The following HTR2B variants were observed in gnomAD, a reference collection of about 807,000 sequenced individuals.
HTR2B encodes 5-HT 2B receptor.
HTR2B carries 31 observed loss-of-function variants against 39.8 expected under a neutral mutation model. The observed-to-expected ratio is 0.78, with a 90% CI of 0.58 to 1.05. HTR2B has a LOEUF of 1.05. HTR2B is among the 50% of genes least tolerant of loss of function. The pLI, the probability that HTR2B is intolerant of heterozygous loss-of-function variation, is 0.00. For synonymous variants in HTR2B, 210 were observed against 207.1 expected, an observed-to-expected ratio of 1.01 and a Z score of -0.12; for missense variants, 562 against 578.0, an observed-to-expected ratio of 0.97 and a Z score of 0.28.
intron 1 of HTR2B, among the ~76,000 whole-genome samples, chr2:231,124,564 A>G (rs1695670959): frequency 6.6e-6 from 1 of 152,016 alleles, no homozygotes; most frequent in Non-Finnish European, 1.5e-5. Context: ...GTCATTTTAG[A>G]TTTCCTTTAG....
Position 231,108,311 on chromosome 2 carries a change from T to C in HTR2B, c.*206A>G, listed in dbSNP as rs1695025573. The C allele has an allele frequency of 5.8e-6, 3 of 521,730 alleles. No individual in the cohort carries two copies. The highest frequency in any genetic ancestry group is 1.0e-5 in the Non-Finnish European group (3 of 296,450). 32.3% of individuals were successfully genotyped at this position (521,730 alleles called of 1,614,324 possible). A position where few individuals can be genotyped will look rare whatever the true frequency, so the allele number is the denominator to read the frequency against. On this transcript the variant is annotated 3_prime_UTR_variant, in exon 4 of 4. Coordinates refer to ENST00000258400, the MANE Select transcript of HTR2B (RefSeq NM_000867.5). ...AATTTAACCAGAGTGCTGGATTGTTTTCATTTGTAGCTATATAAAATTATT... is the reference window on the plus strand; with the variant it reads ...AATTTAACCAGAGTGCTGGATTGTTCTCATTTGTAGCTATATAAAATTATT...
intron 2 of HTR2B, among the ~76,000 whole-genome samples, chr2:231,119,688 T>C (rs1300345012): frequency 6.6e-6 from 1 of 151,904 alleles, no homozygotes; most frequent in East Asian, 1.9e-4. Context: ...CTGGCCAAAG[T>C]GGCAAAACCC....
chr2:231,116,397 A>G (rs965528353), intron 2 of HTR2B, among the ~76,000 whole-genome samples: 2 of 152,140 alleles, frequency 1.3e-5, no homozygotes, highest in Non-Finnish European at 1.5e-5. Flanking sequence ...GTTATATCTT[A>G]GATTTCCTTC....
At chr2:231,112,291 A>AT (rs1695179963) in intron 3 of HTR2B, among the ~76,000 whole-genome samples, 1 of 152,080 alleles carries the variant, frequency 6.6e-6, no homozygotes, top group African/African-American at 2.4e-5. Flanking sequence ...ATTGTCTCCC[A>AT]TTCCCTTTCT....
chr2:231,120,799 A>G (rs1425233625), intron 2 of HTR2B, among the ~76,000 whole-genome samples: 4 of 152,234 alleles, frequency 2.6e-5, no homozygotes, highest in Admixed American at 2.6e-4. Flanking sequence ...CTTTTATCAT[A>G]GAACCAAGAA....
intron 2 of HTR2B, among the ~76,000 whole-genome samples, chr2:231,122,561 G>C (rs1695581539): frequency 6.6e-6 from 1 of 152,068 alleles, no homozygotes; most frequent in South Asian, 2.1e-4. Flanking sequence ...TTTTAATGCT[G>C]ATTCCAAGGG....
chr2:231,115,155 G>T (rs1047455992), intron 2 of HTR2B, among the ~76,000 whole-genome samples: 7 of 151,784 alleles, frequency 4.6e-5, no homozygotes, highest in African/African-American at 1.7e-4. Context: ...AAAATTTAAG[G>T]AGCCTGGGGG....
intron 3 of HTR2B, among the ~76,000 whole-genome samples, chr2:231,110,232 A>G (rs1695110045): frequency 6.6e-6 from 1 of 152,148 alleles, no homozygotes; most frequent in Admixed American, 6.5e-5. Context: ...AGGTGGGAGA[A>G]TCACTTGAAC....
Position 231,113,811 on chromosome 2 carries a change from G to A in HTR2B, c.471C>T (p.Ile157=). ...CAISVDRYIA[I]KKPIQANQYN... Reference sequence around the variant, plus strand: ...ATTGATTGGCCTGGATTGGCTTTTTGATGGCTATGTAACGATCCACTGAAA... The same window carrying A: ...ATTGATTGGCCTGGATTGGCTTTTTAATGGCTATGTAACGATCCACTGAAA... The change falls in exon 3 of 4, where the codon ATC becomes ATT. Residue 157 remains isoleucine, a synonymous_variant. Coordinates refer to ENST00000258400, the MANE Select transcript of HTR2B (RefSeq NM_000867.5). 6.2e-7 allele frequency: 1 copy of A among 1,614,124 alleles called. No individual in the cohort carries two copies. The highest frequency in any genetic ancestry group is 8.5e-7 in the Non-Finnish European group (1 of 1,179,998).
In HTR2B at chr2:231,123,947, A is replaced by C. The variant is rs190004452; in HGVS notation, c.-183T>G. 1.3e-5 allele frequency: 8 copies of C among 615,292 alleles called. No homozygotes were observed. Among genetic ancestry groups the C allele is most frequent in the Non-Finnish European group, 2.3e-5 (8 of 343,444 alleles). The allele number at this position is 615,292 out of a possible 1,614,324, so 38.1% of individuals were successfully genotyped here. On this transcript the variant is annotated 5_prime_UTR_variant, in exon 2 of 4. An upstream start codon of the reference 5' UTR is lost. Coordinates refer to ENST00000258400, the MANE Select transcript of HTR2B (RefSeq NM_000867.5). The stretch of plus-strand genomic sequence containing the variant: ...AATGAGCGCATACACACATCTGTCC[A>C]TGTTTGTAGGTAAGATATCCAAGTA...
At chr2:231,117,851 T>A (rs984411293) in intron 2 of HTR2B, among the ~76,000 whole-genome samples, 3 of 152,112 alleles carry the variant, frequency 2.0e-5, no homozygotes, top group Non-Finnish European at 4.4e-5. Flanking sequence ...GAATACTGAG[T>A]TCTAACTTGT....
At chr2:231,110,796 G>A (rs546182410) in intron 3 of HTR2B, among the ~76,000 whole-genome samples, 14 of 152,198 alleles carry the variant, frequency 9.2e-5, no homozygotes, top group Non-Finnish European at 1.6e-4. Context: ...ACTCCCATTT[G>A]TTAGTAACAT....
intron 3 of HTR2B, among the ~76,000 whole-genome samples, chr2:231,111,606 A>T (rs1283495022): frequency 6.6e-6 from 1 of 152,240 alleles, no homozygotes. Flanking sequence ...GAATTTCAGA[A>T]CTGAGCTTAT....
rs758905196 is a variant in HTR2B, at chr2:231,109,200, G to T, written c.763C>A (p.Pro255Thr). ...QKKAYLVKNKPPQRLTWLTVS... is the reference protein window; with the variant it reads ...QKKAYLVKNKTPQRLTWLTVS... Reference sequence around the variant, plus strand: ...GTCAACCATGTTAGGCGTTGAGGTGGCTTGTTTTTGACTAAGTAAGCCTTC... The same window carrying T: ...GTCAACCATGTTAGGCGTTGAGGTGTCTTGTTTTTGACTAAGTAAGCCTTC... Residue 255 changes from proline (P) to threonine (T), a missense_variant, in exon 4 of 4, where the codon CCA becomes ACA. Physicochemically the swap from Pro to Thr is conservative, Grantham distance 38. Transcript: ENST00000258400. The T allele has an allele frequency of 2.5e-6, 4 of 1,614,198 alleles. No individual in the cohort carries two copies. Among genetic ancestry groups the T allele is most frequent in the East Asian group, 4.5e-5 (2 of 44,880 alleles).
chr2:231,112,657 C>A (rs1016354152), intron 3 of HTR2B, among the ~76,000 whole-genome samples: 3 of 152,052 alleles, frequency 2.0e-5, no homozygotes, highest in Admixed American at 6.5e-5. Flanking sequence ...CTGGTCAAAC[C>A]ATTGTAATTT....
Position 231,109,064 on chromosome 2 carries a change from G to T in HTR2B, c.899C>A (p.Thr300Lys). ...AATTGTGGATGTTCTTCGCATAAGT[G>T]TTTCATCACCTGAGTTGGGCAGAGC... ...DKALPNSGDE[T>K]LMRRTSTIGK... Residue 300 changes from threonine to lysine, a missense_variant, in exon 4 of 4, where the codon ACA (threonine) becomes AAA (lysine). Transcript: ENST00000258400. The T allele has an allele frequency of 6.2e-7, 1 of 1,614,216 alleles. No individual in the cohort carries two copies. Among genetic ancestry groups the T allele is most frequent in the African/African-American group, 1.3e-5 (1 of 75,050 alleles).
In HTR2B at chr2:231,109,100, C is replaced by T. The variant is rs770644825; in HGVS notation, c.863G>A (p.Arg288Gln). 12 of 1,614,040 alleles carry T rather than the reference C, an allele frequency of 7.4e-6. No individual in the cohort carries two copies. The highest frequency in any genetic ancestry group is 3.3e-5 in the Admixed American group (2 of 60,004). Residue 288 changes from arginine (R) to glutamine (Q), a missense_variant, in exon 4 of 4, where the codon CGA (arginine) becomes CAA (glutamine). Transcript: ENST00000258400. Reference sequence around the variant, plus strand: ...TGAGTTGGGCAGAGCCTTGTCCTTTCGAGAACCATCCAGCATTGCCACCTT... The same window carrying T: ...TGAGTTGGGCAGAGCCTTGTCCTTTTGAGAACCATCCAGCATTGCCACCTT... ...PEKVAMLDGS[R>Q]KDKALPNSGD... is the part of the protein sequence containing the mutation.
At chr2:231,119,770 C>T (rs1695466966) in intron 2 of HTR2B, among the ~76,000 whole-genome samples, 2 of 144,948 alleles carry the variant, frequency 1.4e-5, no homozygotes, top group Admixed American at 1.4e-4. Flanking sequence ...ACTCGGGAGG[C>T]TGAGGCAGGA....
At position 231,113,862 on chromosome 2, in the gene HTR2B, G is replaced by A. The variant is rs138535164; in HGVS notation, c.420C>T (p.Thr140=). The change falls in exon 3 of 4, where the codon ACC becomes ACT. Residue 140 remains threonine, a synonymous_variant. Transcript: ENST00000258400. ...TGGCACAGAGATGCATGATGGATGC[G>A]GTTGAAAAGAGAACGTCAAGAAATA... ...AWLFLDVLFS[T]ASIMHLCAIS... is the part of the protein sequence containing the mutation. 419 of 1,614,056 alleles carry A rather than the reference G, an allele frequency of 2.6e-4. 2 individuals are homozygous for A. The Middle Eastern group carries it at 3.8e-3, about 15-fold the overall frequency.
Sources: gnomAD v4.1 joint callset for allele counts (sites outside exome capture counted in the v4.1 genomes callset) on GRCh38, gnomAD v4.1.1 for gene constraint, MANE v1.5 for transcripts, NCBI Gene and HGNC (gene_info 2026-07-23, HGNC 2026-07-21) for gene names.